Variants in XKR4 observed in about 807,000 individuals in gnomAD.
The protein encoded by XKR4 is XK-related protein 4.
In XKR4, 12 loss-of-function variants were observed where a neutral mutation model predicts 53.9. That is an observed-to-expected ratio of 0.22 (90% confidence interval 0.14 to 0.36). XKR4 has a LOEUF of 0.36. Ranked by LOEUF, XKR4 falls within the 10% of genes least tolerant of loss-of-function variation. The pLI is 1.00. For missense variants in XKR4, 799 were observed against 859.5 expected, an observed-to-expected ratio of 0.93 and a Z score of 0.88; for synonymous variants, 354 against 362.4, an observed-to-expected ratio of 0.98 and a Z score of 0.26.
chr8:55,229,076 G>A (rs367552716), intron 1 of XKR4, among the ~76,000 whole-genome samples: 3 of 152,188 alleles, frequency 2.0e-5, no homozygotes, highest in East Asian at 1.9e-4. Flanking sequence ...TCCCTGACTG[G>A]AGCATGTTGT....
chr8:55,389,921 C>T (rs1473385927), intron 2 of XKR4, among the ~76,000 whole-genome samples: 1 of 152,188 alleles, frequency 6.6e-6, no homozygotes, highest in Non-Finnish European at 1.5e-5. Context: ...CCCTCTCTGA[C>T]CCAAGACTCA....
chr8:55,118,375 A>C (rs907345742), intron 1 of XKR4, among the ~76,000 whole-genome samples: 1 of 152,188 alleles, frequency 6.6e-6, no homozygotes, highest in Non-Finnish European at 1.5e-5. Flanking sequence ...TCTACCCCAC[A>C]TATGTTCATG....
chr8:55,341,250 T>A (rs574233681), intron 1 of XKR4, among the ~76,000 whole-genome samples: 2 of 152,258 alleles, frequency 1.3e-5, no homozygotes, highest in South Asian at 4.1e-4. Context: ...CCAAGCCCAC[T>A]GGGACTCCTC....
intron 1 of XKR4, among the ~76,000 whole-genome samples, chr8:55,258,348 G>A (rs929738057): frequency 2.6e-5 from 4 of 152,160 alleles, no homozygotes; most frequent in Non-Finnish European, 4.4e-5. Flanking sequence ...ATCACAGGGA[G>A]GCTTTAGCAA....
chr8:55,399,013 T>C (rs1035046782), intron 2 of XKR4, among the ~76,000 whole-genome samples: 1 of 152,218 alleles, frequency 6.6e-6, no homozygotes, highest in Non-Finnish European at 1.5e-5. Flanking sequence ...ATCATGGCAA[T>C]ATTTTAGTAC....
chr8:55,520,075 A>G (rs1806777576), intron 2 of XKR4, among the ~76,000 whole-genome samples: 1 of 152,194 alleles, frequency 6.6e-6, no homozygotes. Flanking sequence ...AGAGAACTCT[A>G]AGAATAAGGC....
At chr8:55,250,731 C>T (rs1361398764) in intron 1 of XKR4, among the ~76,000 whole-genome samples, 1 of 152,196 alleles carries the variant, frequency 6.6e-6, no homozygotes, top group Admixed American at 6.5e-5. Flanking sequence ...AAAAAATGTA[C>T]TAGCAACTGT....
rs1371141251 is a variant in XKR4 at position 55,541,795 on chromosome 8, C to T, written c.*17568C>T. 1.3e-5 allele frequency: 2 copies of T among 152,112 alleles called. No individual in the cohort carries two copies. Among genetic ancestry groups the T allele is most frequent in the Admixed American group, 6.6e-5 (1 of 15,254 alleles). The allele number at this position is 152,112 out of a possible 1,614,324, so 9.4% of individuals were successfully genotyped here. On this transcript the variant is annotated 3_prime_UTR_variant, in exon 3 of 3. Transcript: ENST00000327381. ...TCAAATTCCATGTATCCAAACATCC[C>T]TTTAGCGTTCAGATTGTAAGTGTGT...
chr8:55,385,860 CAAAA>C lies in XKR4; in HGVS notation c.1006+27985_1006+27988del, dbSNP rs1210785037. ...TTATACCAACAAAAAGAACACCAAACAAAAAGAACTGGCAATTAAAGTGATAGGA... is the reference window on the plus strand; with the variant it reads ...TTATACCAACAAAAAGAACACCAAACAGAACTGGCAATTAAAGTGATAGGA... On this transcript the variant is annotated intron_variant, in intron 2 of 2. Coordinates refer to ENST00000327381, the MANE Select transcript of XKR4 (RefSeq NM_052898.2). Among the ~76,000 whole-genome samples the C allele has an allele frequency of 2.0e-5, 3 of 152,186 alleles. No individual in the cohort carries two copies. The East Asian group carries it at 5.8e-4, about 29-fold the overall frequency.
intron 2 of XKR4, among the ~76,000 whole-genome samples, chr8:55,461,680 C>A (rs1351427871): frequency 2.0e-5 from 3 of 152,036 alleles, no homozygotes; most frequent in Non-Finnish European, 4.4e-5. Context: ...CTACTCTGAG[C>A]TAAAGGAGGA....
At chr8:55,318,315 A>G (rs1333589595) in intron 1 of XKR4, among the ~76,000 whole-genome samples, 1 of 152,224 alleles carries the variant, frequency 6.6e-6, no homozygotes, top group Non-Finnish European at 1.5e-5. Flanking sequence ...TATCTCAAAC[A>G]TCAATAAATG....
At chr8:55,126,830 G>A (rs931839813) in intron 1 of XKR4, among the ~76,000 whole-genome samples, 1 of 152,298 alleles carries the variant, frequency 6.6e-6, no homozygotes, top group East Asian at 1.9e-4. Flanking sequence ...GGTTAACCAC[G>A]ATTAGAGAAT....
intron 1 of XKR4, among the ~76,000 whole-genome samples, chr8:55,261,260 C>G (rs1003011294): frequency 1.3e-5 from 2 of 152,120 alleles, no homozygotes; most frequent in Non-Finnish European, 2.9e-5. Context: ...TAAGCTTCCT[C>G]TTCTGGAAAA....
At chr8:55,455,135 G>T (rs1805545191) in intron 2 of XKR4, 2 of 613,808 alleles carry the variant, frequency 3.3e-6, no homozygotes, top group African/African-American at 1.8e-5. Flanking sequence ...TGTGATCCGC[G>T]CCATGGGGAG....
intron 1 of XKR4, among the ~76,000 whole-genome samples, chr8:55,239,379 T>C (rs1459744711): frequency 1.3e-5 from 2 of 152,234 alleles, no homozygotes; most frequent in Non-Finnish European, 2.9e-5. Flanking sequence ...GATACTTTTT[T>C]ATATGCAAAA....
intron 1 of XKR4, among the ~76,000 whole-genome samples, chr8:55,287,568 C>T (rs1244490205): frequency 2.0e-5 from 3 of 152,220 alleles, no homozygotes; most frequent in Admixed American, 2.0e-4. Context: ...GAAATGAGTG[C>T]TGCATTGCAC....
chr8:55,475,252 T>C (rs180825386), intron 2 of XKR4, among the ~76,000 whole-genome samples: 5 of 152,206 alleles, frequency 3.3e-5, no homozygotes, highest in East Asian at 1.9e-4. Flanking sequence ...GGTAGAATAA[T>C]AGCCGCACTA....
intron 2 of XKR4, among the ~76,000 whole-genome samples, chr8:55,463,771 C>A (rs1203380169): frequency 6.6e-6 from 1 of 151,946 alleles, no homozygotes; most frequent in Admixed American, 6.6e-5. Flanking sequence ...CAAATAGACG[C>A]AATAAAAAAT....
At chr8:55,131,084 G>A (rs1472611662) in intron 1 of XKR4, among the ~76,000 whole-genome samples, 3 of 151,926 alleles carry the variant, frequency 2.0e-5, no homozygotes, top group Admixed American at 6.6e-5. Flanking sequence ...ACTTGAACCC[G>A]GGAGGCGGAG....
Sources: allele counts gnomAD v4.1 joint callset (sites outside exome capture counted in the v4.1 genomes callset), GRCh38; gene constraint gnomAD v4.1.1; transcripts MANE v1.5; gene names NCBI Gene and HGNC (gene_info 2026-07-23, HGNC 2026-07-21).